The following FRAS1 variants were observed in gnomAD, a reference collection of about 807,000 sequenced individuals.
FRAS1 encodes the protein extracellular matrix organizing protein FRAS1.
Under a neutral mutation model 435.2 loss-of-function variants are expected in FRAS1, and 290 were observed. The ratio of observed to expected loss-of-function variants is 0.67; its 90% confidence interval spans 0.61 to 0.73. The LOEUF (loss-of-function observed/expected upper bound fraction) is 0.73, where lower values mean the gene tolerates loss of function less well. Among genes scored for constraint, FRAS1 ranks in the 30% least tolerant of loss-of-function variants. The pLI, the probability that FRAS1 is intolerant of heterozygous loss-of-function variation, is 0.00. For synonymous variants in FRAS1, 1,800 were observed against 1,851.0 expected (o/e 0.97, Z 0.71); for missense variants, 4,860 against 5,001.5 (o/e 0.97, Z 0.85).
At chr4:78,307,453 CT>C (rs1728808355) in intron 14 of FRAS1, among the ~76,000 whole-genome samples, 1 of 152,220 alleles carries the variant, frequency 6.6e-6, no homozygotes, top group African/African-American at 2.4e-5. Flanking sequence ...GCGGGCGCCC[CT>C]CCCCCAGCCT....
intron 58 of FRAS1, among the ~76,000 whole-genome samples, chr4:78,486,432 G>A (rs1396025523): frequency 2.0e-5 from 3 of 152,176 alleles, no homozygotes; most frequent in Admixed American, 6.6e-5. Flanking sequence ...TGTTCTATGA[G>A]CAGTGCTGAC....
At chr4:78,513,250 G>C (rs1043600496) in intron 64 of FRAS1, 142 bp from the exon 65 acceptor site, 5 of 732,380 alleles carry the variant, frequency 6.8e-6, no homozygotes, top group South Asian at 1.8e-5. Flanking sequence ...TGTTCAGATA[G>C]AAATCCTACC....
At chr4:78,147,552 G>A (rs1720469005) in intron 2 of FRAS1, among the ~76,000 whole-genome samples, 1 of 152,172 alleles carries the variant, frequency 6.6e-6, no homozygotes. Context: ...CTTAGCTTTA[G>A]ACCTGCCTCT....
chr4:78,183,732 T>TGTGTGTGTG (rs1553927606), intron 2 of FRAS1, among the ~76,000 whole-genome samples: 1 of 136,940 alleles, frequency 7.3e-6, no homozygotes, highest in Non-Finnish European at 1.6e-5. Context: ...TTCATTCTCT[T>TGTGTGTGTG]TGTGTGTGTG....
In FRAS1 at chr4:78,466,455, G is replaced by A. The variant is rs1003723770; in HGVS notation, c.7257+20G>A. 6 of 1,579,966 alleles carry A rather than the reference G, an allele frequency of 3.8e-6. No homozygotes were observed. In the Admixed American group the frequency reaches 6.8e-5, roughly 18 times the overall value. ...AAAGAGGTGAGGGGTGAGGACACTGGAGGAGGTAGCCTAGCACTGCATGGC... is the reference window on the plus strand; with the variant it reads ...AAAGAGGTGAGGGGTGAGGACACTGAAGGAGGTAGCCTAGCACTGCATGGC... On this transcript the variant is annotated intron_variant, in intron 50 of 73. Coordinates refer to ENST00000512123, the MANE Select transcript of FRAS1 (RefSeq NM_025074.7).
At chr4:78,060,774 A>C (rs1739727181) in intron 1 of FRAS1, among the ~76,000 whole-genome samples, 1 of 152,216 alleles carries the variant, frequency 6.6e-6, no homozygotes, top group Non-Finnish European at 1.5e-5. Context: ...CATCAAACAT[A>C]GAAGAAAAAG....
chr4:78,222,253 A>C (rs2110097595), intron 2 of FRAS1, among the ~76,000 whole-genome samples: 1 of 152,292 alleles, frequency 6.6e-6, no homozygotes, highest in East Asian at 1.9e-4. Flanking sequence ...ACTGGTCAGC[A>C]AGTTTTCATG....
At chr4:78,190,455 T>C (rs1722484391) in intron 2 of FRAS1, among the ~76,000 whole-genome samples, 1 of 152,088 alleles carries the variant, frequency 6.6e-6, no homozygotes, top group South Asian at 2.1e-4. Context: ...CTGCTTTTTT[T>C]TTTCTTCCCA....
At chr4:78,124,457 G>A (rs2109969720) in intron 2 of FRAS1, among the ~76,000 whole-genome samples, 1 of 152,292 alleles carries the variant, frequency 6.6e-6, no homozygotes, top group East Asian at 1.9e-4. Context: ...GTCTCTGCCA[G>A]GCTTTGGCAT....
At position 78,438,987 on chromosome 4, in the gene FRAS1, G is replaced by T. The variant is rs760586194; in HGVS notation, c.5452G>T (p.Asp1818Tyr). The change falls in exon 40 of 74, where the codon GAT (aspartate) becomes TAT (tyrosine). Residue 1818 changes from aspartate (D) to tyrosine (Y), a missense_variant. By Grantham distance (160) the Asp-to-Tyr change is radical. Transcript: ENST00000512123. ...SVSDMDHNHLDNQIFTIMITP... is the reference protein window; with the variant it reads ...SVSDMDHNHLYNQIFTIMITP... ...CTCTGACATGGACCACAACCATCTG[G>T]ATAATCAGATATTTACCATCATGAT... The T allele has an allele frequency of 1.2e-6, 2 of 1,613,040 alleles. No individual in the cohort carries two copies. The highest frequency in any genetic ancestry group is 1.7e-6 in the Non-Finnish European group (2 of 1,179,288).
Position 78,363,551 on chromosome 4 carries a change from C to T in FRAS1, c.2461C>T (p.His821Tyr), listed in dbSNP as rs929909168. Residue 821 changes from histidine (H) to tyrosine (Y), a missense_variant, in exon 21 of 74, where the codon CAC (histidine) becomes TAC (tyrosine). His to Tyr is a moderately conservative substitution (Grantham distance 83). Transcript: ENST00000512123. The part of the protein sequence containing the change: ...HLCQHCAADL[H>Y]NTGSICLRCQ... Reference sequence around the variant, plus strand: ...GTGCCAGCACTGTGCAGCTGATCTCCACAACACTGGGAGCATCTGCCTCAG... The same window carrying T: ...GTGCCAGCACTGTGCAGCTGATCTCTACAACACTGGGAGCATCTGCCTCAG... 1 of 1,613,402 alleles carries T rather than the reference C, an allele frequency of 6.2e-7. No individual in the cohort carries two copies. The highest frequency in any genetic ancestry group is 1.3e-5 in the African/African-American group (1 of 74,926).
intron 14 of FRAS1, among the ~76,000 whole-genome samples, chr4:78,293,771 G>C (rs1284917982): frequency 6.6e-6 from 1 of 152,136 alleles, no homozygotes; most frequent in Non-Finnish European, 1.5e-5. Flanking sequence ...CAGAAAAAAT[G>C]GAGAGAAGAG....
At chr4:78,097,691 A>G (rs1478057205) in intron 2 of FRAS1, among the ~76,000 whole-genome samples, 1 of 152,164 alleles carries the variant, frequency 6.6e-6, no homozygotes, top group Non-Finnish European at 1.5e-5. Flanking sequence ...ACCTGCCCCC[A>G]TCATTCAGTT....
intron 18 of FRAS1, among the ~76,000 whole-genome samples, chr4:78,323,909 A>G (rs1729611223): frequency 6.6e-6 from 1 of 152,026 alleles, no homozygotes; most frequent in Non-Finnish European, 1.5e-5. Context: ...CTAGAACAGA[A>G]TTTCTCATAG....
intron 2 of FRAS1, among the ~76,000 whole-genome samples, chr4:78,093,748 G>T (rs1225801126): frequency 6.6e-6 from 1 of 152,126 alleles, no homozygotes; most frequent in East Asian, 1.9e-4. Context: ...AAAGAACATA[G>T]TTATGAAGAC....
At chr4:78,335,475 C>G (rs147763773) in intron 19 of FRAS1, among the ~76,000 whole-genome samples, 2 of 152,320 alleles carry the variant, frequency 1.3e-5, no homozygotes, top group Non-Finnish European at 2.9e-5. Flanking sequence ...CCTAAGAAGT[C>G]TCACTGTCAC....
chr4:78,301,118 T>C (rs1728371514), intron 14 of FRAS1, among the ~76,000 whole-genome samples: 1 of 152,204 alleles, frequency 6.6e-6, no homozygotes, highest in South Asian at 2.1e-4. Context: ...AAGGGATGCC[T>C]ACTTGAATTA....
chr4:78,284,638 G>A, intron 13 of FRAS1, 90 bp downstream of exon 13: 2 of 1,202,376 alleles, frequency 1.7e-6, no homozygotes, highest in East Asian at 2.5e-5. Flanking sequence ...GCTCAGTATT[G>A]TCAAGGAGGG....
intron 2 of FRAS1, among the ~76,000 whole-genome samples, chr4:78,075,074 T>A (rs1314744303): frequency 6.6e-6 from 1 of 152,192 alleles, no homozygotes; most frequent in African/African-American, 2.4e-5. Context: ...GAGTTAAACA[T>A]GCCTAGCTGC....
Sources: gnomAD v4.1 joint callset for allele counts (sites outside exome capture counted in the v4.1 genomes callset) on GRCh38, gnomAD v4.1.1 for gene constraint, MANE v1.5 for transcripts, NCBI Gene and HGNC (gene_info 2026-07-23, HGNC 2026-07-21) for gene names.